MRC2: variants seen among roughly 807,000 people sequenced by gnomAD.
The protein encoded by MRC2 is C-type mannose receptor 2.
Under a neutral mutation model 206.2 loss-of-function variants are expected in MRC2, and 84 were observed. The observed-to-expected ratio is 0.41, with a 90% CI of 0.34 to 0.49. The LOEUF is 0.49. Among genes scored for constraint, MRC2 ranks in the 20% least tolerant of loss-of-function variants. The pLI, the probability that MRC2 is intolerant of heterozygous loss-of-function variation, is 0.31. For missense variants in MRC2, 1,676 were observed against 2,001.5 expected (o/e 0.84, Z 3.10); for synonymous variants, 798 against 800.0 (o/e 1.00, Z 0.04).
chr17:62,657,754 C>A (rs527703424), intron 1 of MRC2, among the ~76,000 whole-genome samples: 2 of 152,280 alleles, frequency 1.3e-5, no homozygotes, highest in African/African-American at 4.8e-5. Context: ...GTACAAAGAA[C>A]ACAGAGCCAG....
At chr17:62,665,927 CAGA>C (rs1455355939) in intron 2 of MRC2, among the ~76,000 whole-genome samples, 164 bp from the exon 3 acceptor site, 1 of 152,208 alleles carries the variant, frequency 6.6e-6, no homozygotes, top group Non-Finnish European at 1.5e-5. Flanking sequence ...GACTCAACAG[CAGA>C]AGAAGCCTTA....
At chr17:62,640,063 G>A (rs1414855856) in intron 1 of MRC2, among the ~76,000 whole-genome samples, 1 of 147,218 alleles carries the variant, frequency 6.8e-6, no homozygotes, top group Non-Finnish European at 1.5e-5. Context: ...AGAGACGGGG[G>A]TTTCTTCATG....
At chr17:62,629,767 G>T (rs1055427181) in intron 1 of MRC2, among the ~76,000 whole-genome samples, 24 of 152,238 alleles carry the variant, frequency 1.6e-4, no homozygotes, top group Non-Finnish European at 8.8e-5. Context: ...TTACGTTGTT[G>T]TTGGGAGGAA....
intron 1 of MRC2, among the ~76,000 whole-genome samples, chr17:62,653,439 C>T (rs2088581873): frequency 6.6e-6 from 1 of 152,130 alleles, no homozygotes; most frequent in Non-Finnish European, 1.5e-5. Flanking sequence ...GTCGCCTTCC[C>T]CACCACCGCC....
In MRC2 at chr17:62,670,020, C is replaced by CG. The variant is rs531478683; in HGVS notation, c.1118-1628dup. On this transcript the variant is annotated intron_variant, in intron 6 of 29. Transcript: ENST00000303375. The stretch of plus-strand genomic sequence containing the variant: ...AAGCACCTTTCTGAAGGAAGGGGCC[C>CG]GCTGGGAGGCCCGGGTGTGGGCATG... Among the ~76,000 whole-genome samples the CG allele has an allele frequency of 8.1e-3, 1,228 of 152,308 alleles. 28 individuals are homozygous for CG. The highest frequency in any genetic ancestry group is 0.027 in the African/African-American group (1,143 of 41,566).
Position 62,671,377 on chromosome 17 carries a change from T to C in MRC2, c.1118-272T>C, listed in dbSNP as rs2088823602. ...TGAGCCACCATGCCTGGCCCACCCA[T>C]CGTATTCTGAGAGCCACAGCCAGAG... is the stretch of plus-strand genomic sequence containing the variant. On this transcript the variant is annotated intron_variant, in intron 6 of 29. Transcript: ENST00000303375. This position sits in a 1 kb window ranked among gnomAD's most constrained non-coding sequence, Gnocchi z 4.5. 6.6e-6 allele frequency among the ~76,000 whole-genome samples: 1 copy of C among 152,172 alleles called. No individual in the cohort carries two copies.
rs1325402107 is a variant in MRC2 at position 62,675,891 on chromosome 17, C to T, written c.1671C>T (p.Val557=). ...RLCTDHGSQL[V]TITNRFEQAF... ...GCACTGACCATGGCTCTCAGCTGGT[C>T]ACCATCACCAACAGGTACAGCAGGG... The change falls in exon 10 of 30, where the codon GTC becomes GTT. Residue 557 remains valine, a synonymous_variant. Coordinates refer to ENST00000303375, the MANE Select transcript of MRC2 (RefSeq NM_006039.5). The surrounding 1 kb of genome is among the most constrained non-coding windows in gnomAD (Gnocchi z 4.1). 2.5e-6 allele frequency: 4 copies of T among 1,613,882 alleles called. No individual in the cohort carries two copies. Among genetic ancestry groups the T allele is most frequent in the Admixed American group, 3.3e-5 (2 of 59,998 alleles).
At chr17:62,674,041 C>A (rs1366986844) in intron 8 of MRC2, 22 bp from the exon 9 acceptor site, 2 of 1,528,136 alleles carry the variant, frequency 1.3e-6, no homozygotes, top group Admixed American at 2.0e-5. Flanking sequence ...GGTTGAGATT[C>A]TTCCTCACCC....
rs899429218 is a variant in MRC2, at chr17:62,667,013, C to G, written c.973+143C>G. On this transcript the variant is annotated intron_variant, in intron 5 of 29. Transcript: ENST00000303375. This position sits in a 1 kb window ranked among gnomAD's most constrained non-coding sequence, Gnocchi z 4.1. ...GACCTCCACCCCCCTCCCCAGACTG[C>G]GCCCCCCTAGCCCATGTAGGGCGGC... The G allele has an allele frequency of 2.8e-6, 2 of 705,754 alleles. No homozygotes were observed. The highest frequency in any genetic ancestry group is 4.0e-4 in the Middle Eastern group (1 of 2,510). The allele number at this position is 705,754 out of a possible 1,614,324, so 43.7% of individuals were successfully genotyped here.
chr17:62,632,600 TG>T (rs902604212), intron 1 of MRC2, among the ~76,000 whole-genome samples: 41 of 152,302 alleles, frequency 2.7e-4, no homozygotes, highest in African/African-American at 9.4e-4. Flanking sequence ...TCACTTTGCC[TG>T]GTGTGCCTCC....
Position 62,689,749 on chromosome 17 carries a change from G to T in MRC2, c.3562G>T (p.Ala1188Ser), listed in dbSNP as rs1292475142. 1 of 1,547,500 alleles carries T rather than the reference G, an allele frequency of 6.5e-7. No homozygotes were observed. Among genetic ancestry groups the T allele is most frequent in the Non-Finnish European group, 8.7e-7 (1 of 1,146,632 alleles). ...GCGCACGCCGCTCTGGATTGGGCTG[G>T]CTGGCGAGGAGGTGGGCTCCCGACA... ...GLRTPLWIGL[A>S]GEEGSRRYSW... The change falls in exon 24 of 30, where the codon GCT becomes TCT. Residue 1188 changes from alanine (A) to serine (S), a missense_variant. This residue lies in a region of MRC2 where 1,354 missense variants were observed against 1,636.6 expected (regional missense o/e 0.83). Coordinates refer to ENST00000303375, the MANE Select transcript of MRC2 (RefSeq NM_006039.5).
chr17:62,691,756 G>C (rs991371784), intron 28 of MRC2, among the ~76,000 whole-genome samples: 2 of 126,894 alleles, frequency 1.6e-5, no homozygotes, highest in African/African-American at 5.9e-5. Flanking sequence ...GGGCAACACA[G>C]CAAGACCCTG....
chr17:62,666,184 C>T lies in MRC2; in HGVS notation c.611C>T (p.Thr204Met), dbSNP rs572758323. The change falls in exon 3 of 30, where the codon ACG becomes ATG. Residue 204 changes from threonine to methionine, a missense_variant. Thr to Met is a moderately conservative substitution (Grantham distance 81). Transcript: ENST00000303375. This position sits in a 1 kb window ranked among gnomAD's most constrained non-coding sequence, Gnocchi z 5.0. ...CAGTGGTTCCACGGCTGCACCAGCA[C>T]GGGCCGCGAGGATGGTCACCTGTGG... Reference protein sequence around the residue: ...DNQWFHGCTSTGREDGHLWCA... With the variant: ...DNQWFHGCTSMGREDGHLWCA... 1.1e-5 allele frequency: 17 copies of T among 1,603,478 alleles called. No individual in the cohort carries two copies. Among genetic ancestry groups the T allele is most frequent in the South Asian group, 1.0e-4 (9 of 89,354 alleles).
At chr17:62,635,413 C>T (rs1037435507) in intron 1 of MRC2, among the ~76,000 whole-genome samples, 7 of 152,070 alleles carry the variant, frequency 4.6e-5, no homozygotes, top group African/African-American at 1.4e-4. Context: ...TTACACTTCT[C>T]TATTTAACCT....
rs939274968 is a variant in MRC2, at chr17:62,652,240, C to A, written c.119-12308C>A. On this transcript the variant is annotated intron_variant, in intron 1 of 29. Transcript: ENST00000303375. The surrounding 1 kb of genome is among the most constrained non-coding windows in gnomAD (Gnocchi z 4.6). ...ACTCACTGGTTCGTCCTCAATCAAC[C>A]AGGCGTGGAGTCCTAACCTGTCCAT... Among the ~76,000 whole-genome samples the A allele has an allele frequency of 2.0e-5, 3 of 152,242 alleles. No individual in the cohort carries two copies. Among genetic ancestry groups the A allele is most frequent in the Non-Finnish European group, 4.4e-5 (3 of 68,040 alleles).
intron 1 of MRC2, among the ~76,000 whole-genome samples, chr17:62,650,772 T>G (rs1438578835): frequency 2.0e-5 from 3 of 152,188 alleles, no homozygotes; most frequent in Non-Finnish European, 4.4e-5. Context: ...AAGCGCAGGG[T>G]GACCACAGGT....
At chr17:62,634,239 T>A (rs923033256) in intron 1 of MRC2, among the ~76,000 whole-genome samples, 3 of 152,152 alleles carry the variant, frequency 2.0e-5, no homozygotes, top group African/African-American at 7.2e-5. Flanking sequence ...GATAGGAGTA[T>A]CTTTTAGCAT....
rs770210510 is a variant in MRC2 at position 62,688,321 on chromosome 17, C to T, written c.2979C>T (p.Ser993=). Residue 993 remains serine, a synonymous_variant, in exon 21 of 30, where the codon AGC becomes AGT. Coordinates refer to ENST00000303375, the MANE Select transcript of MRC2 (RefSeq NM_006039.5). ...CFQVQGQEPQ[S]RVKWSEAQFS... is the part of the protein sequence containing the mutation. ...AGGTCCAGGGCCAGGAACCCCAGAG[C>T]CGGGTGAAGTGGTCAGAGGCACAGT... 1.1e-5 allele frequency: 18 copies of T among 1,614,040 alleles called. No homozygotes were observed. The South Asian group carries it at 2.0e-4, about 18-fold the overall frequency.
intron 1 of MRC2, among the ~76,000 whole-genome samples, chr17:62,634,307 T>A (rs1486782650): frequency 1.4e-5 from 2 of 146,950 alleles, no homozygotes; most frequent in Admixed American, 6.8e-5. Flanking sequence ...CCACAAGTCA[T>A]TTTTTTTTTT....
Sources: allele counts gnomAD v4.1 joint callset (sites outside exome capture counted in the v4.1 genomes callset), GRCh38; gene constraint gnomAD v4.1.1; regional missense constraint gnomAD v4.1.1; non-coding constraint Gnocchi (gnomAD v3.1); transcripts MANE v1.5; gene names NCBI Gene and HGNC (gene_info 2026-07-23, HGNC 2026-07-21).